CYP7B1: variants seen among roughly 807,000 people sequenced by gnomAD.
CYP7B1 encodes cytochrome P450 family 7 subfamily B member 1.
CYP7B1 carries 29 observed loss-of-function variants against 42.7 expected under a neutral mutation model. That is an observed-to-expected ratio of 0.68 (90% confidence interval 0.51 to 0.93). The LOEUF is 0.93. CYP7B1 is among the 40% of genes least tolerant of loss of function. CYP7B1 has a pLI of 0.00. For synonymous variants in CYP7B1, 235 were observed against 218.2 expected (o/e 1.08, Z -0.68); for missense variants, 655 against 600.5 (o/e 1.09, Z -0.95).
chr8:64,769,556 C>T (rs1804183130), intron 1 of CYP7B1, among the ~76,000 whole-genome samples: 1 of 152,122 alleles, frequency 6.6e-6, no homozygotes, highest in Admixed American at 6.5e-5. Context: ...CCGTCCTAAG[C>T]CTCCATGCCC....
chr8:64,704,265 A>G (rs971924778), intron 1 of CYP7B1, among the ~76,000 whole-genome samples: 13 of 152,074 alleles, frequency 8.5e-5, no homozygotes, highest in African/African-American at 3.1e-4. Flanking sequence ...CCAGTACAGA[A>G]AAGATTTTTA....
intron 1 of CYP7B1, among the ~76,000 whole-genome samples, chr8:64,732,445 A>G (rs1265020927): frequency 6.6e-6 from 1 of 152,184 alleles, no homozygotes; most frequent in African/African-American, 2.4e-5. Context: ...TATTTACCCA[A>G]TGCCTGTACC....
At chr8:64,724,313 A>AT (rs1563405533) in intron 1 of CYP7B1, among the ~76,000 whole-genome samples, 1 of 151,972 alleles carries the variant, frequency 6.6e-6, no homozygotes, top group East Asian at 1.9e-4. Context: ...CGCCCAGCTA[A>AT]TTTTTGTATT....
chr8:64,614,962 G>C (rs932223462), intron 4 of CYP7B1, 64 bp downstream of exon 4: 22 of 1,515,588 alleles, frequency 1.5e-5, no homozygotes, highest in African/African-American at 4.1e-5. Flanking sequence ...AAACAGCTAT[G>C]AGTGATAAAC....
chr8:64,619,275 C>T (rs1414251908), intron 2 of CYP7B1, among the ~76,000 whole-genome samples: 2 of 151,976 alleles, frequency 1.3e-5, no homozygotes, highest in African/African-American at 2.4e-5. Context: ...TTCTGAAGGC[C>T]GTGTATTCTT....
At chr8:64,749,935 T>C (rs1227021220) in intron 1 of CYP7B1, among the ~76,000 whole-genome samples, 1 of 152,124 alleles carries the variant, frequency 6.6e-6, no homozygotes, top group Admixed American at 6.5e-5. Context: ...GCAGGTGAGG[T>C]ATCTTTTTAT....
Position 64,677,706 on chromosome 8 carries a change from GT to G in CYP7B1, c.123-53168del, listed in dbSNP as rs11435388. ...GCATAAGAAGGAACCACACTCCTTG[GT>G]TTTTTTTTTTTTTTTTTTTTTTTTT... On this transcript the variant is annotated intron_variant, in intron 1 of 5. Transcript: ENST00000310193. 4.4e-3 allele frequency among the ~76,000 whole-genome samples: 384 copies of G among 86,414 alleles called. 2 individuals are homozygous for G. Among genetic ancestry groups the G allele is most frequent in the African/African-American group, 0.013 (296 of 22,318 alleles). 56.7% of individuals were successfully genotyped at this position (86,414 alleles called of 152,430 possible).
chr8:64,763,603 C>T (rs912611175), intron 1 of CYP7B1, among the ~76,000 whole-genome samples: 1 of 152,198 alleles, frequency 6.6e-6, no homozygotes, highest in Non-Finnish European at 1.5e-5. Context: ...GCACGGCTGC[C>T]GGACTTAAGA....
At chr8:64,665,856 G>A (rs780298696) in intron 1 of CYP7B1, among the ~76,000 whole-genome samples, 3 of 152,092 alleles carry the variant, frequency 2.0e-5, no homozygotes, top group Non-Finnish European at 2.9e-5. Context: ...GATTACAGGC[G>A]TGAGCCACCA....
At chr8:64,655,870 G>A (rs1040072713) in intron 1 of CYP7B1, among the ~76,000 whole-genome samples, 18 of 152,174 alleles carry the variant, frequency 1.2e-4, no homozygotes, top group Non-Finnish European at 2.4e-4. Context: ...GACATGGGTA[G>A]AGCTGGAGGC....
intron 1 of CYP7B1, among the ~76,000 whole-genome samples, chr8:64,666,235 G>C (rs1006549304): frequency 6.6e-6 from 1 of 152,254 alleles, no homozygotes; most frequent in African/African-American, 2.4e-5. Flanking sequence ...TTATGTTTTA[G>C]AGACAGAGTC....
rs1805090726 is a variant in CYP7B1 at position 64,594,649 on chromosome 8, T to C, written c.*1993A>G. Among the ~76,000 whole-genome samples, 1 of 152,154 alleles carries C rather than the reference T, an allele frequency of 6.6e-6. No individual in the cohort carries two copies. The highest frequency in any genetic ancestry group is 6.6e-5 in the Admixed American group (1 of 15,266). On this transcript the variant is annotated 3_prime_UTR_variant, in exon 6 of 6. Transcript: ENST00000310193. ...TAAAGAGTGTAAGGAGAGTGATCAC[T>C]CAACTCGATGAACCTAGAGTTAAAA...
chr8:64,760,872 T>C (rs1456115014), intron 1 of CYP7B1, among the ~76,000 whole-genome samples: 2 of 152,140 alleles, frequency 1.3e-5, no homozygotes, highest in Non-Finnish European at 2.9e-5. Flanking sequence ...GGAAATAATA[T>C]TAGTATCTTC....
intron 1 of CYP7B1, among the ~76,000 whole-genome samples, chr8:64,650,212 G>C (rs1356135815): frequency 6.6e-6 from 1 of 151,962 alleles, no homozygotes; most frequent in Non-Finnish European, 1.5e-5. Context: ...TAAGTTGGTT[G>C]GTCTATATGG....
chr8:64,697,088 G>A (rs541709372), intron 1 of CYP7B1, among the ~76,000 whole-genome samples: 4 of 152,302 alleles, frequency 2.6e-5, no homozygotes, highest in Non-Finnish European at 5.9e-5. Flanking sequence ...TTCCTGGAGG[G>A]TGAAGGAAAA....
chr8:64,614,950 G>A (rs988881677), intron 4 of CYP7B1, 76 bp downstream of exon 4: 1 of 1,435,942 alleles, frequency 7.0e-7, no homozygotes, highest in Non-Finnish European at 9.8e-7. Context: ...CTACCTCTTG[G>A]TAAACAGCTA....
chr8:64,744,436 A>G (rs773544660), intron 1 of CYP7B1, among the ~76,000 whole-genome samples: 36 of 152,082 alleles, frequency 2.4e-4, no homozygotes, highest in Non-Finnish European at 4.9e-4. Context: ...CATCAGCTCA[A>G]CCCCATTCCA....
At chr8:64,783,219 T>C (rs1308661185) in intron 1 of CYP7B1, among the ~76,000 whole-genome samples, 1 of 152,212 alleles carries the variant, frequency 6.6e-6, no homozygotes, top group Non-Finnish European at 1.5e-5. Context: ...AGCCTGGTTC[T>C]TCCCATTCCC....
chr8:64,697,331 C>A (rs1049941152), intron 1 of CYP7B1, among the ~76,000 whole-genome samples: 1 of 152,164 alleles, frequency 6.6e-6, no homozygotes, highest in African/African-American at 2.4e-5. Context: ...GTTGCCACTT[C>A]TTGGGGAAGG....
Sources: gnomAD v4.1 joint callset for allele counts (sites outside exome capture counted in the v4.1 genomes callset) on GRCh38, gnomAD v4.1.1 for gene constraint, MANE v1.5 for transcripts, NCBI Gene and HGNC (gene_info 2026-07-23, HGNC 2026-07-21) for gene names.